Variants in KCNIP1 observed in about 807,000 individuals in gnomAD.
The protein encoded by KCNIP1 is A-type potassium channel modulatory protein KCNIP1.
In KCNIP1, 18 loss-of-function variants were observed where a neutral mutation model predicts 33.0. The ratio of observed to expected loss-of-function variants is 0.55; its 90% confidence interval spans 0.38 to 0.81. The LOEUF (loss-of-function observed/expected upper bound fraction) is 0.81. Ranked by LOEUF, KCNIP1 falls within the 30% of genes least tolerant of loss-of-function variation. The pLI, the probability that KCNIP1 is intolerant of heterozygous loss-of-function variation, is 0.00. For synonymous variants in KCNIP1, 93 were observed against 98.3 expected (o/e 0.95, Z 0.32); for missense variants, 238 against 271.6 (o/e 0.88, Z 0.87).
intron 1 of KCNIP1, among the ~76,000 whole-genome samples, chr5:170,630,817 C>T (rs1304215934): frequency 6.6e-6 from 1 of 152,188 alleles, no homozygotes; most frequent in African/African-American, 2.4e-5. Flanking sequence ...GGTCTAATTC[C>T]AGAGTACAGC....
intron 1 of KCNIP1, among the ~76,000 whole-genome samples, chr5:170,395,923 A>ATCGG: frequency 6.6e-6 from 1 of 152,326 alleles, no homozygotes; most frequent in Admixed American, 6.5e-5. Context: ...TCCTGTGTGA[A>ATCGG]TCGGTGTCCC....
intron 1 of KCNIP1, among the ~76,000 whole-genome samples, chr5:170,469,451 A>G (rs1561640073): frequency 6.6e-6 from 1 of 152,354 alleles, no homozygotes; most frequent in East Asian, 1.9e-4. Context: ...TGTTTCCCAT[A>G]AGAATAAAGA....
intron 1 of KCNIP1, among the ~76,000 whole-genome samples, chr5:170,496,991 C>T (rs1757323185): frequency 6.6e-6 from 1 of 152,078 alleles, no homozygotes; most frequent in Non-Finnish European, 1.5e-5. Context: ...TGACCCTCAG[C>T]AGCAGAGGTA....
At chr5:170,522,441 CA>C (rs1168056288) in intron 1 of KCNIP1, among the ~76,000 whole-genome samples, 2 of 152,238 alleles carry the variant, frequency 1.3e-5, no homozygotes, top group African/African-American at 4.8e-5. Context: ...ACAACTTCAG[CA>C]TTCTTGTTCT....
At chr5:170,466,501 C>T (rs1756610613) in intron 1 of KCNIP1, among the ~76,000 whole-genome samples, 1 of 152,138 alleles carries the variant, frequency 6.6e-6, no homozygotes, top group Non-Finnish European at 1.5e-5. Flanking sequence ...AGTAAAGGAT[C>T]TAGGGCCAAG....
chr5:170,704,735 C>T (rs1763201058), intron 1 of KCNIP1, among the ~76,000 whole-genome samples: 1 of 152,160 alleles, frequency 6.6e-6, no homozygotes, highest in African/African-American at 2.4e-5. Context: ...CCACTCTTCA[C>T]CTCTTGTTTT....
chr5:170,474,482 TG>T (rs1756806161), intron 1 of KCNIP1, among the ~76,000 whole-genome samples: 1 of 152,176 alleles, frequency 6.6e-6, no homozygotes, highest in Non-Finnish European at 1.5e-5. Context: ...CCTAGAAGTG[TG>T]GGGGTTAACC....
intron 1 of KCNIP1, among the ~76,000 whole-genome samples, chr5:170,717,325 T>C (rs1763674762): frequency 6.6e-6 from 1 of 152,234 alleles, no homozygotes; most frequent in Non-Finnish European, 1.5e-5. Flanking sequence ...AATTGCTACT[T>C]ATCTTGTTAG....
At chr5:170,615,914 TTTG>T (rs898877046) in intron 1 of KCNIP1, among the ~76,000 whole-genome samples, 19 of 152,120 alleles carry the variant, frequency 1.2e-4, no homozygotes, top group Admixed American at 4.6e-4. Context: ...AGTAGCTGGG[TTTG>T]TTGTTGTTTT....
chr5:170,645,181 T>C (rs1760736182), intron 1 of KCNIP1, among the ~76,000 whole-genome samples: 1 of 152,194 alleles, frequency 6.6e-6, no homozygotes, highest in African/African-American at 2.4e-5. Context: ...ATAAATCTTA[T>C]GATTACCAGG....
At chr5:170,670,244 G>C (rs995750675) in intron 1 of KCNIP1, among the ~76,000 whole-genome samples, 5 of 152,202 alleles carry the variant, frequency 3.3e-5, no homozygotes, top group Non-Finnish European at 7.4e-5. Flanking sequence ...TGGATGAATA[G>C]ATGGATGGAT....
At chr5:170,381,899 T>C (rs370909162) in intron 1 of KCNIP1, among the ~76,000 whole-genome samples, 10 of 152,204 alleles carry the variant, frequency 6.6e-5, no homozygotes, top group African/African-American at 2.2e-4. Flanking sequence ...CAGTGGGCCC[T>C]GAGACCTCTC....
chr5:170,458,712 A>G (rs1756443565), intron 1 of KCNIP1, among the ~76,000 whole-genome samples: 2 of 152,248 alleles, frequency 1.3e-5, no homozygotes, highest in African/African-American at 2.4e-5. Flanking sequence ...TAAACCTTCA[A>G]TCAAATCCTG....
At chr5:170,630,760 G>A (rs145445914) in intron 1 of KCNIP1, among the ~76,000 whole-genome samples, 39 of 152,308 alleles carry the variant, frequency 2.6e-4, no homozygotes, top group African/African-American at 8.4e-4. Flanking sequence ...AATGCCTGGT[G>A]GGGAGGAATG....
At chr5:170,411,923 G>GGA (rs968816266) in intron 1 of KCNIP1, among the ~76,000 whole-genome samples, 10 of 152,240 alleles carry the variant, frequency 6.6e-5, no homozygotes, top group Admixed American at 6.5e-4. Context: ...CAGGGTAGAT[G>GGA]GAGAGAGAGA....
intron 1 of KCNIP1, among the ~76,000 whole-genome samples, chr5:170,569,374 G>A (rs556986635): frequency 7.2e-5 from 11 of 152,336 alleles, no homozygotes; most frequent in African/African-American, 2.6e-4. Context: ...TTGACACTTG[G>A]CAAACATTTG....
At chr5:170,721,716 T>A in intron 3 of KCNIP1, 117 bp from the exon 4 acceptor site, 1 of 1,611,618 alleles carries the variant, frequency 6.2e-7, no homozygotes, top group Non-Finnish European at 8.5e-7. Context: ...ATTTTCTCCT[T>A]TCCATCACCC....
At chr5:170,706,850 C>G (rs1763270498) in intron 1 of KCNIP1, among the ~76,000 whole-genome samples, 1 of 152,064 alleles carries the variant, frequency 6.6e-6, no homozygotes, top group Non-Finnish European at 1.5e-5. Flanking sequence ...TAATGAAATC[C>G]CACCCGTGTT....
intron 1 of KCNIP1, among the ~76,000 whole-genome samples, chr5:170,354,414 C>G (rs2061872265): frequency 6.6e-6 from 1 of 152,196 alleles, no homozygotes; most frequent in Non-Finnish European, 1.5e-5. Context: ...CCGGCATCTG[C>G]TTTGCCCTGG....
Sources: gnomAD v4.1 joint callset for allele counts (sites outside exome capture counted in the v4.1 genomes callset) on GRCh38, gnomAD v4.1.1 for gene constraint, MANE v1.5 for transcripts, NCBI Gene and HGNC (gene_info 2026-07-23, HGNC 2026-07-21) for gene names.